LPCAT1: variants seen among roughly 807,000 people sequenced by gnomAD.
LPCAT1 encodes lysophosphatidylcholine acyltransferase 1.
LPCAT1 carries 23 observed loss-of-function variants against 60.9 expected under a neutral mutation model. The ratio of observed to expected loss-of-function variants is 0.38; its 90% CI spans 0.27 to 0.53. The LOEUF is 0.53. Ranked by LOEUF, LPCAT1 falls within the 20% of genes least tolerant of loss-of-function variation. The pLI is 0.82. For missense variants in LPCAT1, 622 were observed against 723.6 expected (o/e 0.86, Z 1.61); for synonymous variants, 340 against 301.1 (o/e 1.13, Z -1.34).
In LPCAT1 at chr5:1,521,840, G is replaced by A. The variant is rs1174858887; in HGVS notation, c.135+1870C>T. ...GGAGCAGCTTGCACCCTGAGGTCTC[G>A]GGGAGGAAAGCAGGCCCCTCTGGGC... On this transcript the variant is annotated intron_variant, in intron 1 of 13. Coordinates refer to ENST00000283415, the MANE Select transcript of LPCAT1 (RefSeq NM_024830.5). The surrounding 1 kb of genome is among the most constrained non-coding windows in gnomAD (Gnocchi z 4.3). Among the ~76,000 whole-genome samples the A allele has an allele frequency of 3.3e-5, 5 of 152,222 alleles. No homozygotes were observed. In the South Asian group the frequency reaches 6.2e-4, roughly 19 times the overall value.
At chr5:1,470,289 G>A (rs1734613937) in intron 12 of LPCAT1, among the ~76,000 whole-genome samples, 1 of 152,254 alleles carries the variant, frequency 6.6e-6, no homozygotes, top group Non-Finnish European at 1.5e-5. Flanking sequence ...CTCCAGGCCT[G>A]ACCCAGACCC....
At chr5:1,467,033 G>A in intron 12 of LPCAT1, 143 bp from the exon 13 acceptor site, 2 of 823,440 alleles carry the variant, frequency 2.4e-6, no homozygotes, top group Non-Finnish European at 3.3e-6. Flanking sequence ...CGGGGGACTC[G>A]AACTTCCATG....
chr5:1,498,402 G>A (rs1335144672), intron 2 of LPCAT1, among the ~76,000 whole-genome samples: 1 of 152,160 alleles, frequency 6.6e-6, no homozygotes. Context: ...GAGACGCCAG[G>A]GGCTCCAGGG....
At position 1,523,665 on chromosome 5, in the gene LPCAT1, TG is replaced by T; in HGVS notation, c.135+44del. 1 of 1,061,896 alleles carries T rather than the reference TG, an allele frequency of 9.4e-7. No individual in the cohort carries two copies. 65.8% of individuals were successfully genotyped at this position (1,061,896 alleles called of 1,614,324 possible). A position where few individuals can be genotyped will look rare whatever the true frequency, so the allele number is the denominator to read the frequency against. ...CGCGCCTCCCTGGCCCCAGCATCCC[TG>T]GCGTCCGCGCCGGCTCCCGGGGCCG... On this transcript the variant is annotated intron_variant, in intron 1 of 13. Coordinates refer to ENST00000283415, the MANE Select transcript of LPCAT1 (RefSeq NM_024830.5). This position sits in a 1 kb window ranked among gnomAD's most constrained non-coding sequence, Gnocchi z 7.1.
chr5:1,478,122 G>A (rs564984285), intron 8 of LPCAT1, among the ~76,000 whole-genome samples: 1 of 152,390 alleles, frequency 6.6e-6, no homozygotes, highest in East Asian at 1.9e-4. Context: ...TATTGGCAGC[G>A]TTTTGCCACC....
Position 1,481,507 on chromosome 5 carries a change from AG to A in LPCAT1, c.727-532del, listed in dbSNP as rs920121647. The stretch of plus-strand genomic sequence containing the variant: ...ATCTTCAGCCTCAGTGCCGCCGGGC[AG>A]GGACCACACAGCAGGGGCCGTGACG... On this transcript the variant is annotated intron_variant, in intron 6 of 13. Coordinates refer to ENST00000283415, the MANE Select transcript of LPCAT1 (RefSeq NM_024830.5). This position sits in a 1 kb window ranked among gnomAD's most constrained non-coding sequence, Gnocchi z 7.8. 3.3e-5 allele frequency among the ~76,000 whole-genome samples: 5 copies of A among 152,382 alleles called. No individual in the cohort carries two copies. Among genetic ancestry groups the A allele is most frequent in the Admixed American group, 2.0e-4 (3 of 15,308 alleles).
chr5:1,518,296 G>A (rs1736567198), intron 1 of LPCAT1, among the ~76,000 whole-genome samples: 1 of 152,268 alleles, frequency 6.6e-6, no homozygotes, highest in African/African-American at 2.4e-5. Flanking sequence ...CAGAGCTGAT[G>A]TCTTACCCCA....
At chr5:1,509,047 C>T (rs9687227) in intron 1 of LPCAT1, among the ~76,000 whole-genome samples, 101 of 152,378 alleles carry the variant, frequency 6.6e-4, no homozygotes, top group African/African-American at 2.2e-3. Context: ...TGCTGCGGCC[C>T]CTCCGAGCCC....
rs560109914 is a variant in LPCAT1, at chr5:1,495,040, G to A, written c.279-126C>T. ...TCCAGGCCACGGGCTTCCTGTGGTC[G>A]CCGCCGCTGGGACATCTGCTTGAGG... is the stretch of plus-strand genomic sequence containing the variant. On this transcript the variant is annotated intron_variant, in intron 2 of 13. Transcript: ENST00000283415. The surrounding 1 kb of genome is among the most constrained non-coding windows in gnomAD (Gnocchi z 4.7). The A allele has an allele frequency of 2.1e-5, 17 of 813,308 alleles. No individual in the cohort carries two copies. The Admixed American group carries it at 4.2e-4, about 20-fold the overall frequency. 50.4% of individuals were successfully genotyped at this position (813,308 alleles called of 1,614,324 possible).
intron 2 of LPCAT1, among the ~76,000 whole-genome samples, chr5:1,500,979 T>C (rs893457341): frequency 3.3e-5 from 5 of 152,082 alleles, no homozygotes; most frequent in Admixed American, 6.5e-5. Context: ...GCCCTGTCAC[T>C]GCAGCCCAAG....
rs1736757918 is a variant in LPCAT1, at chr5:1,523,945, C to G, written c.-101G>C. On this transcript the variant is annotated 5_prime_UTR_variant, in exon 1 of 14. Transcript: ENST00000283415. This position sits in a 1 kb window ranked among gnomAD's most constrained non-coding sequence, Gnocchi z 7.1. The stretch of plus-strand genomic sequence containing the variant: ...TCTCGGGGCGCGGGCCGAGGATGCG[C>G]GGCGGCTGGAGCGGGCCGGGCGCGC... The G allele has an allele frequency of 1.2e-6, 1 of 861,490 alleles. No individual in the cohort carries two copies. Among genetic ancestry groups the G allele is most frequent in the Admixed American group, 6.2e-5 (1 of 16,224 alleles). 53.4% of individuals were successfully genotyped at this position (861,490 alleles called of 1,614,324 possible).
rs927969439 is a variant in LPCAT1 at position 1,496,625 on chromosome 5, C to T, written c.279-1711G>A. ...CCCGGGCGGCCCTTAGAGGAACACA[C>T]CTGCCAGCCCCGAAATCGAATTGCA... is the stretch of plus-strand genomic sequence containing the variant. On this transcript the variant is annotated intron_variant, in intron 2 of 13. Transcript: ENST00000283415. The surrounding 1 kb of genome is among the most constrained non-coding windows in gnomAD (Gnocchi z 4.7). Among the ~76,000 whole-genome samples, 1 of 152,118 alleles carries T rather than the reference C, an allele frequency of 6.6e-6. No homozygotes were observed. The highest frequency in any genetic ancestry group is 6.5e-5 in the Admixed American group (1 of 15,276).
intron 11 of LPCAT1, among the ~76,000 whole-genome samples, chr5:1,472,787 C>T (rs1018973388): frequency 2.6e-5 from 4 of 152,016 alleles, no homozygotes; most frequent in African/African-American, 4.8e-5. Flanking sequence ...GTAGAGGGCC[C>T]GCGGCTGGGG....
chr5:1,490,475 G>A (rs1735536014), intron 3 of LPCAT1, among the ~76,000 whole-genome samples: 1 of 152,238 alleles, frequency 6.6e-6, no homozygotes, highest in South Asian at 2.1e-4. Flanking sequence ...GCCATAGGAG[G>A]ATGTGGCCAC....
rs369982814 is a variant in LPCAT1 at position 1,476,290 on chromosome 5, TTGTTCAGAGCTGCC to T, written c.899+1100_899+1113del. 1.8e-3 allele frequency among the ~76,000 whole-genome samples: 272 copies of T among 152,236 alleles called. 1 individual carries two copies. Among genetic ancestry groups the T allele is most frequent in the African/African-American group, 6.3e-3 (261 of 41,552 alleles). On this transcript the variant is annotated intron_variant, in intron 9 of 13. Coordinates refer to ENST00000283415, the MANE Select transcript of LPCAT1 (RefSeq NM_024830.5). The surrounding 1 kb of genome is among the most constrained non-coding windows in gnomAD (Gnocchi z 8.6). ...CTCGGCGCCTACTCAGCTTTTTGTATTGTTCAGAGCTGCCTGTGGTGGGGGTTGAGTGGAGCTTT... is the reference window on the plus strand; with the variant it reads ...CTCGGCGCCTACTCAGCTTTTTGTATTGTGGTGGGGGTTGAGTGGAGCTTT...
intron 12 of LPCAT1, among the ~76,000 whole-genome samples, chr5:1,469,470 C>G (rs1418699698): frequency 6.6e-6 from 1 of 152,246 alleles, no homozygotes; most frequent in South Asian, 2.1e-4. Flanking sequence ...GGTGGCTCTA[C>G]AGCAGGGGCT....
At chr5:1,497,356 C>T (rs759005152) in intron 2 of LPCAT1, among the ~76,000 whole-genome samples, 7 of 152,218 alleles carry the variant, frequency 4.6e-5, no homozygotes, top group South Asian at 2.1e-4. Flanking sequence ...GAAGCCCACA[C>T]GTCTAAGCGT....
intron 8 of LPCAT1, 63 bp downstream of exon 8, chr5:1,479,558 T>G: frequency 8.5e-7 from 1 of 1,171,242 alleles, no homozygotes; most frequent in African/African-American, 1.5e-5. Context: ...GGCATCCTGG[T>G]GTAAGCTCGT....
At chr5:1,501,376 C>G in intron 2 of LPCAT1, 85 bp downstream of exon 2, 1 of 1,498,320 alleles carries the variant, frequency 6.7e-7, no homozygotes, top group Middle Eastern at 2.4e-4. Flanking sequence ...GGTGGAGACA[C>G]ACAACCCCAC....
Sources: gnomAD v4.1 joint callset for allele counts (sites outside exome capture counted in the v4.1 genomes callset) on GRCh38, gnomAD v4.1.1 for gene constraint, Gnocchi (gnomAD v3.1) non-coding constraint, MANE v1.5 for transcripts, NCBI Gene and HGNC (gene_info 2026-07-23, HGNC 2026-07-21) for gene names.